Variants in CDHR1 observed in about 807,000 individuals in gnomAD.
CDHR1 encodes the protein cadherin-related family member 1.
A neutral mutation model predicts 72.1 loss-of-function variants in CDHR1; 61 were observed. The observed-to-expected ratio is 0.85, with a 90% CI of 0.69 to 1.05. CDHR1 has a LOEUF of 1.05. Among genes scored for constraint, CDHR1 ranks in the 50% least tolerant of loss-of-function variants. The probability of loss-of-function intolerance (pLI) is 0.00; values close to 1 mark genes in which losing one functional copy is unlikely to be tolerated. For synonymous variants in CDHR1, 470 were observed against 448.1 expected, an observed-to-expected ratio of 1.05 and a Z score of -0.62; for missense variants, 1,186 against 1,115.7, an observed-to-expected ratio of 1.06 and a Z score of -0.90.
intron 6 of CDHR1, among the ~76,000 whole-genome samples, chr10:84,201,241 G>C (rs1439180039): frequency 6.6e-6 from 1 of 152,092 alleles, no homozygotes; most frequent in African/African-American, 2.4e-5. Context: ...TATGTGTAAA[G>C]TCCCCAATAA....
At chr10:84,204,387 G>T in intron 8 of CDHR1, 140 bp from the exon 9 acceptor site, 1 of 689,210 alleles carries the variant, frequency 1.5e-6, no homozygotes, top group Non-Finnish European at 2.7e-6. Flanking sequence ...AGGAGAGTAG[G>T]GCCATGCTCC....
chr10:84,214,019 C>T (rs1842382995), intron 16 of CDHR1, 63 bp from the exon 17 acceptor site: 8 of 1,607,490 alleles, frequency 5.0e-6, no homozygotes, highest in Non-Finnish European at 6.8e-6. Context: ...AAGCACATAC[C>T]TACTCTGTAC....
Position 84,211,166 on chromosome 10 carries a change from G to A in CDHR1, c.1485+1G>A. Reference sequence around the variant, plus strand: ...GGGCTCCAGCGTGGTGGCTGTCACAGTGGGTTGGGCACTGGCCCAGGGACT... The same window carrying A: ...GGGCTCCAGCGTGGTGGCTGTCACAATGGGTTGGGCACTGGCCCAGGGACT... On this transcript the variant is annotated splice_donor_variant, in intron 13 of 16. Coordinates refer to ENST00000623527, the MANE Select transcript of CDHR1 (RefSeq NM_033100.4). LOFTEE classifies it high-confidence loss of function. 6.2e-7 allele frequency: 1 copy of A among 1,614,240 alleles called. No homozygotes were observed. The highest frequency in any genetic ancestry group is 1.1e-5 in the South Asian group (1 of 91,090).
chr10:84,211,683 G>A lies in CDHR1; in HGVS notation c.1521G>A (p.Val507=). 1.2e-6 allele frequency: 2 copies of A among 1,614,200 alleles called. No homozygotes were observed. Among genetic ancestry groups the A allele is most frequent in the South Asian group, 2.2e-5 (2 of 91,086 alleles). ...VDPDTGPWGE[V]KYSTYGTGAD... is the part of the protein sequence containing the mutation. ...CAGATACAGGACCCTGGGGCGAAGT[G>A]AAATATTCCACCTATGGGACTGGGG... Residue 507 remains valine, a synonymous_variant, in exon 14 of 17, where the codon GTG becomes GTA. Coordinates refer to ENST00000623527, the MANE Select transcript of CDHR1 (RefSeq NM_033100.4).
Position 84,213,025 on chromosome 10 carries a change from G to A in CDHR1, c.1783-66G>A. ...CCCAGCAAGCCCCATATGACGTGCT[G>A]ATTTAGCCAGAGTACACAAGGATTG... On this transcript the variant is annotated intron_variant, in intron 15 of 16. Transcript: ENST00000623527. The A allele has an allele frequency of 3.1e-6, 5 of 1,607,316 alleles. No individual in the cohort carries two copies. The South Asian group carries it at 5.5e-5, about 18-fold the overall frequency.
In CDHR1 at chr10:84,216,510, T is replaced by C; in HGVS notation, c.*1889T>C. 3 of 985,500 alleles carry C rather than the reference T, an allele frequency of 3.0e-6. No homozygotes were observed. Among genetic ancestry groups the C allele is most frequent in the Non-Finnish European group, 3.6e-6 (3 of 829,968 alleles). The allele number at this position is 985,500 out of a possible 1,614,324, so 61.0% of individuals were successfully genotyped here. ...CCTCTTTTGTAAATGGAAAATAAAG[T>C]CTGTTACCCAAAGGCCATGCTGATC... On this transcript the variant is annotated 3_prime_UTR_variant, in exon 17 of 17. Transcript: ENST00000623527.
At chr10:84,200,046 T>C (rs1053568639) in intron 5 of CDHR1, among the ~76,000 whole-genome samples, 3 of 152,044 alleles carry the variant, frequency 2.0e-5, no homozygotes, top group Non-Finnish European at 4.4e-5. Context: ...GGTGGGCACT[T>C]GTAATCCAAG....
At chr10:84,200,828 G>A in intron 6 of CDHR1, 141 bp downstream of exon 6, 1 of 683,662 alleles carries the variant, frequency 1.5e-6, no homozygotes, top group African/African-American at 1.8e-5. Context: ...ATGGGCAGGA[G>A]GGGATGTGAG....
Position 84,194,632 on chromosome 10 carries a change from C to T in CDHR1, c.-129C>T, listed in dbSNP as rs889569107. 36 of 642,036 alleles carry T rather than the reference C, an allele frequency of 5.6e-5. No homozygotes were observed. The highest frequency in any genetic ancestry group is 3.1e-4 in the Admixed American group (7 of 22,896). The allele number at this position is 642,036 out of a possible 1,614,324, so 39.8% of individuals were successfully genotyped here. On this transcript the variant is annotated 5_prime_UTR_variant, in exon 1 of 17. Coordinates refer to ENST00000623527, the MANE Select transcript of CDHR1 (RefSeq NM_033100.4). ...CACCCGCCGCTCCCGCCCCGTGCCCCCTCCCGCCGCGGCTGCAGTCGCCGC... is the reference window on the plus strand; with the variant it reads ...CACCCGCCGCTCCCGCCCCGTGCCCTCTCCCGCCGCGGCTGCAGTCGCCGC...
In CDHR1 at chr10:84,204,536, G is replaced by A. The variant is rs745363286; in HGVS notation, c.793G>A (p.Val265Ile). The stretch of plus-strand genomic sequence containing the variant: ...TTCCTGTTTCCCCGAGGGCTCGGAG[G>A]TACTGAAGGTGGTCGCCATGGATGG... ...VYEDTLPGSE[V>I]LKVVAMDGDR... is the part of the protein sequence containing the mutation. Residue 265 changes from valine (V) to isoleucine (I), a missense_variant, in exon 9 of 17, where the codon GTA (valine) becomes ATA (isoleucine). Physicochemically the swap from Val to Ile is conservative, Grantham distance 29. Transcript: ENST00000623527. The A allele has an allele frequency of 6.2e-7, 1 of 1,612,610 alleles. No individual in the cohort carries two copies. Among genetic ancestry groups the A allele is most frequent in the South Asian group, 1.1e-5 (1 of 91,040 alleles).
rs760249323 is a variant in CDHR1 at position 84,201,923 on chromosome 10, A to T, written c.639+3A>T. 8.8e-6 allele frequency: 14 copies of T among 1,599,230 alleles called. No individual in the cohort carries two copies. In the South Asian group the frequency reaches 1.5e-4, roughly 18 times the overall value. On this transcript the variant is annotated splice_donor_region_variant and intron_variant, in intron 7 of 16. Coordinates refer to ENST00000623527, the MANE Select transcript of CDHR1 (RefSeq NM_033100.4). ...ACTACATCACCGTGGTCGCCAAGGT[A>T]ACACAGCAGGACAGGGGAGCATCCA...
At chr10:84,209,873 G>A (rs1480538477) in intron 12 of CDHR1, among the ~76,000 whole-genome samples, 1 of 152,178 alleles carries the variant, frequency 6.6e-6, no homozygotes. Context: ...GAGACATAAA[G>A]AAAGAGATGT....
intron 1 of CDHR1, 108 bp from the exon 2 acceptor site, chr10:84,195,386 C>T: frequency 1.9e-6 from 2 of 1,044,562 alleles, no homozygotes; most frequent in Non-Finnish European, 2.9e-6. Flanking sequence ...GGAGCGCCCT[C>T]CTGCCCAGTA....
At chr10:84,209,709 C>T (rs764875000) in intron 12 of CDHR1, among the ~76,000 whole-genome samples, 12 of 149,388 alleles carry the variant, frequency 8.0e-5, no homozygotes, top group Admixed American at 5.3e-4. Flanking sequence ...AAAGTTAATG[C>T]ACAAAATCCA....
intron 9 of CDHR1, 97 bp from the exon 10 acceptor site, chr10:84,205,730 A>G: frequency 1.3e-6 from 1 of 793,008 alleles, no homozygotes; most frequent in Non-Finnish European, 2.2e-6. Flanking sequence ...CATTCTATGA[A>G]GACTTCCCTA....
rs1477472542 is a variant in CDHR1 at position 84,212,273 on chromosome 10, G to A, written c.1648G>A (p.Ala550Thr). ...TGCCAGGTACAACTTCTATGTGAAG[G>A]CAGAGGACATGGAAGGCAAGTACAG... ...ATARYNFYVK[A>T]EDMEGKYSVA... The change falls in exon 15 of 17, where the codon GCA becomes ACA. Residue 550 changes from alanine to threonine, a missense_variant. Physicochemically the swap from Ala to Thr is moderately conservative, Grantham distance 58. Transcript: ENST00000623527. 2 of 1,614,128 alleles carry A rather than the reference G, an allele frequency of 1.2e-6. No individual in the cohort carries two copies. Among genetic ancestry groups the A allele is most frequent in the South Asian group, 1.1e-5 (1 of 91,094 alleles).
At chr10:84,198,937 C>A in intron 4 of CDHR1, 95 bp from the exon 5 acceptor site, 2 of 889,558 alleles carry the variant, frequency 2.2e-6, no homozygotes, top group East Asian at 2.6e-5. Flanking sequence ...GAGGGATGGG[C>A]AGAGACGTGT....
At chr10:84,195,795 T>TC (rs368398363) in intron 2 of CDHR1, among the ~76,000 whole-genome samples, 107 of 151,930 alleles carry the variant, frequency 7.0e-4, no homozygotes, top group Middle Eastern at 3.4e-3. Context: ...AGACCAGGGC[T>TC]CCCCCCCACA....
Position 84,216,221 on chromosome 10 carries a change from A to G in CDHR1, c.*1600A>G, listed in dbSNP as rs565684657. The G allele has an allele frequency of 1.0e-6, 1 of 985,460 alleles. No homozygotes were observed. The highest frequency in any genetic ancestry group is 1.2e-6 in the Non-Finnish European group (1 of 829,956). The allele number at this position is 985,460 out of a possible 1,614,324, so 61.0% of individuals were successfully genotyped here. ...AGAATACATTGGTGATTTCATTTAA[A>G]GAGATTGTATGCATTTGTGGCTTTC... is the stretch of plus-strand genomic sequence containing the variant. On this transcript the variant is annotated 3_prime_UTR_variant, in exon 17 of 17. Coordinates refer to ENST00000623527, the MANE Select transcript of CDHR1 (RefSeq NM_033100.4).
Sources: allele counts gnomAD v4.1 joint callset (sites outside exome capture counted in the v4.1 genomes callset), GRCh38; gene constraint gnomAD v4.1.1; transcripts MANE v1.5; gene names NCBI Gene and HGNC (gene_info 2026-07-23, HGNC 2026-07-21).